ESCO2: variants seen among roughly 807,000 people sequenced by gnomAD.
ESCO2 encodes the protein N-acetyltransferase ESCO2.
ESCO2 carries 51 observed loss-of-function variants against 61.7 expected under a neutral mutation model. The ratio of observed to expected loss-of-function variants is 0.83; its 90% CI spans 0.66 to 1.04. ESCO2 has a LOEUF of 1.04. Ranked by LOEUF, ESCO2 falls within the 50% of genes least tolerant of loss-of-function variation. The probability of loss-of-function intolerance (pLI) is 0.00; values close to 1 mark genes in which losing one functional copy is unlikely to be tolerated. For synonymous variants in ESCO2, 230 were observed against 238.2 expected, an observed-to-expected ratio of 0.97 and a Z score of 0.32; for missense variants, 692 against 686.2, an observed-to-expected ratio of 1.01 and a Z score of -0.09.
chr8:27,777,480 G>C (rs140288077), intron 3 of ESCO2: 1 of 214,612 alleles, frequency 4.7e-6, no homozygotes, highest in Non-Finnish European at 9.3e-6. Context: ...TGCATTTTTT[G>C]TAGAGGCTGG....
At position 27,791,829 on chromosome 8, in the gene ESCO2, T is replaced by C; in HGVS notation, c.1264-134T>C. 3 of 784,476 alleles carry C rather than the reference T, an allele frequency of 3.8e-6. No homozygotes were observed. The East Asian group carries it at 8.1e-5, about 21-fold the overall frequency. The allele number at this position is 784,476 out of a possible 1,614,324, so 48.6% of individuals were successfully genotyped here. A position where few individuals can be genotyped will look rare whatever the true frequency, so the allele number is the denominator to read the frequency against. Reference sequence around the variant, plus strand: ...TTTATTTCTCTTCCCACATTACTTTTAGTTGGATTTCATCTTCTTCTTTTT... The same window carrying C: ...TTTATTTCTCTTCCCACATTACTTTCAGTTGGATTTCATCTTCTTCTTTTT... On this transcript the variant is annotated intron_variant, in intron 7 of 10. Transcript: ENST00000305188.
Position 27,784,070 on chromosome 8 carries a change from A to G in ESCO2, c.1013+13A>G. The G allele has an allele frequency of 6.2e-7, 1 of 1,610,686 alleles. No individual in the cohort carries two copies. Among genetic ancestry groups the G allele is most frequent in the Non-Finnish European group, 8.5e-7 (1 of 1,177,124 alleles). ...TCAATTCAAAAAGGTGAGAATTGTT[A>G]TTGTTTTAAAGTCCAAGCCTTGTAA... On this transcript the variant is annotated intron_variant, in intron 5 of 10. Coordinates refer to ENST00000305188, the MANE Select transcript of ESCO2 (RefSeq NM_001017420.3).
At chr8:27,800,754 G>A (rs893173267) in intron 10 of ESCO2, among the ~76,000 whole-genome samples, 1 of 152,218 alleles carries the variant, frequency 6.6e-6, no homozygotes, top group Non-Finnish European at 1.5e-5. Flanking sequence ...ACAATGGGAT[G>A]TTATTCAGCC....
intron 7 of ESCO2, among the ~76,000 whole-genome samples, chr8:27,790,363 C>T (rs929473139): frequency 6.6e-6 from 1 of 152,086 alleles, no homozygotes; most frequent in Non-Finnish European, 1.5e-5. Context: ...TCACATGATT[C>T]AAATTTCACA....
upstream of ESCO2, chr8:27,773,591 G>A (rs1338487733): frequency 6.6e-6 from 1 of 150,480 alleles, no homozygotes; most frequent in Non-Finnish European, 1.5e-5. Flanking sequence ...TTACATCACT[G>A]TCACTGACTT....
chr8:27,793,934 C>T (rs967135510), intron 9 of ESCO2, among the ~76,000 whole-genome samples: 1 of 152,162 alleles, frequency 6.6e-6, no homozygotes, highest in African/African-American at 2.4e-5. Flanking sequence ...AACCACCATT[C>T]TACTCTGCTT....
chr8:27,782,629 A>G (rs1804949676), intron 4 of ESCO2, among the ~76,000 whole-genome samples: 1 of 151,898 alleles, frequency 6.6e-6, no homozygotes, highest in African/African-American at 2.4e-5. Context: ...GTGGAATCCT[A>G]TATCAGCTCA....
chr8:27,776,348 G>C lies in ESCO2; in HGVS notation c.54-14G>C. 6.3e-7 allele frequency: 1 copy of C among 1,592,366 alleles called. No homozygotes were observed. Among genetic ancestry groups the C allele is most frequent in the Non-Finnish European group, 8.6e-7 (1 of 1,166,816 alleles). On this transcript the variant is annotated splice_polypyrimidine_tract_variant and intron_variant, in intron 2 of 10. Transcript: ENST00000305188. ...CAAAATAATCTTATCAATGGACTTTGTTTCTTTTTATAGCCTTTTACACTT... is the reference window on the plus strand; with the variant it reads ...CAAAATAATCTTATCAATGGACTTTCTTTCTTTTTATAGCCTTTTACACTT...
chr8:27,772,728 G>T, upstream of ESCO2: 1 of 594,374 alleles, frequency 1.7e-6, no homozygotes, highest in South Asian at 2.1e-5. Context: ...AAGTGTAGTG[G>T]CAAGGAGTTT....
intron 3 of ESCO2, chr8:27,777,395 A>G: frequency 3.1e-6 from 1 of 326,284 alleles, no homozygotes; most frequent in East Asian, 7.2e-5. Context: ...TCAACCTCCT[A>G]GGCTCAAGCA....
chr8:27,781,010 C>A (rs551533251), intron 4 of ESCO2, among the ~76,000 whole-genome samples: 1 of 151,970 alleles, frequency 6.6e-6, no homozygotes, highest in Non-Finnish European at 1.5e-5. Flanking sequence ...AAGGCATCTA[C>A]TTAAAATAGT....
upstream of ESCO2, among the ~76,000 whole-genome samples, chr8:27,772,338 GA>G (rs1804656498): frequency 6.6e-6 from 1 of 152,240 alleles, no homozygotes; most frequent in African/African-American, 2.4e-5. Context: ...GACGCCGGGG[GA>G]AATCCTGCAG....
In ESCO2 at chr8:27,804,713, T is replaced by A. The variant is rs1285302342; in HGVS notation, c.*1275T>A. On this transcript the variant is annotated 3_prime_UTR_variant, in exon 11 of 11. Coordinates refer to ENST00000305188, the MANE Select transcript of ESCO2 (RefSeq NM_001017420.3). ...CATTTTATTTGCCTGTAAGTTAACA[T>A]GTTTCCAAAATTTAAAAGCCTGGGT... 1.4e-5 allele frequency: 14 copies of A among 985,186 alleles called. No homozygotes were observed. The highest frequency in any genetic ancestry group is 1.6e-5 in the Non-Finnish European group (13 of 829,792). The allele number at this position is 985,186 out of a possible 1,614,324, so 61.0% of individuals were successfully genotyped here. A position where few individuals can be genotyped will look rare whatever the true frequency, so the allele number is the denominator to read the frequency against.
downstream of ESCO2, among the ~76,000 whole-genome samples, chr8:27,816,359 T>TATATATATATATATATA (rs1563489324): frequency 6.6e-3 from 834 of 125,802 alleles, 6 homozygotes; most frequent in East Asian, 0.018. Flanking sequence ...ATATATATAT[T>TATATATATATATATATA]TATTTATTTA....
chr8:27,791,639 T>C (rs187985446), intron 7 of ESCO2, among the ~76,000 whole-genome samples: 1 of 152,294 alleles, frequency 6.6e-6, no homozygotes, highest in Admixed American at 6.5e-5. Flanking sequence ...CCCACTGGTC[T>C]TGAACTCCTG....
At chr8:27,776,246 T>G in intron 2 of ESCO2, 116 bp from the exon 3 acceptor site, 1 of 762,908 alleles carries the variant, frequency 1.3e-6, no homozygotes, top group Non-Finnish European at 2.1e-6. Context: ...ATTGTGTGTA[T>G]GGGGGGTACA....
chr8:27,788,038 C>T (rs1447050904), intron 6 of ESCO2, 36 bp downstream of exon 6: 1 of 1,497,100 alleles, frequency 6.7e-7, no homozygotes, highest in Non-Finnish European at 9.3e-7. Flanking sequence ...TCCTATCTAG[C>T]CCTTTGCAGA....
upstream of ESCO2, chr8:27,771,988 G>T (rs529842583): frequency 7.1e-5 from 11 of 154,144 alleles, no homozygotes; most frequent in Non-Finnish European, 1.6e-4. Context: ...TCAACTGCCC[G>T]GAGAGTGGCT....
upstream of ESCO2, chr8:27,772,209 A>G: frequency 1.9e-6 from 1 of 532,402 alleles, no homozygotes; most frequent in South Asian, 2.3e-5. Context: ...GGAGGAGCCC[A>G]CAGGCTCTGC....
Sources: gnomAD v4.1 joint callset for allele counts (sites outside exome capture counted in the v4.1 genomes callset) on GRCh38, gnomAD v4.1.1 for gene constraint, MANE v1.5 for transcripts, NCBI Gene and HGNC (gene_info 2026-07-23, HGNC 2026-07-21) for gene names.